The following GPC5 variants were observed in gnomAD, a reference collection of about 807,000 sequenced individuals.
The protein encoded by GPC5 is glypican-5.
Under a neutral mutation model 53.9 loss-of-function variants are expected in GPC5, and 47 were observed. The ratio of observed to expected loss-of-function variants is 0.87; its 90% CI spans 0.69 to 1.11. The LOEUF is 1.11. Ranked by LOEUF, GPC5 falls within the 50% of genes most tolerant of loss-of-function variation. The probability of loss-of-function intolerance (pLI) is 0.00; values close to 1 mark genes in which losing one functional copy is unlikely to be tolerated. For synonymous variants in GPC5, 286 were observed against 263.3 expected, an observed-to-expected ratio of 1.09 and a Z score of -0.84; for missense variants, 748 against 713.1, an observed-to-expected ratio of 1.05 and a Z score of -0.56.
At chr13:92,632,983 G>T (rs9561096) in intron 7 of GPC5, among the ~76,000 whole-genome samples, 87,894 of 151,928 alleles carry the variant, frequency 0.58, 26,016 homozygotes, top group East Asian at 0.85. Context: ...CTCTGTCTCC[G>T]GGGTTCAAGC....
chr13:91,855,199 A>T (rs896111938), intron 5 of GPC5, among the ~76,000 whole-genome samples: 6 of 151,748 alleles, frequency 4.0e-5, no homozygotes, highest in Admixed American at 3.9e-4. Context: ...CCTTCTGTAC[A>T]GGTGAGTTTT....
At chr13:92,491,536 C>G (rs752860401) in intron 7 of GPC5, among the ~76,000 whole-genome samples, 1 of 152,070 alleles carries the variant, frequency 6.6e-6, no homozygotes, top group African/African-American at 2.4e-5. Context: ...ATCGGCAGCA[C>G]GTTCTTCACA....
At chr13:91,570,624 A>G (rs898312253) in intron 2 of GPC5, among the ~76,000 whole-genome samples, 5 of 152,186 alleles carry the variant, frequency 3.3e-5, no homozygotes, top group Non-Finnish European at 5.9e-5. Flanking sequence ...CTTTCGAGCA[A>G]TTACCCAAAT....
chr13:92,496,090 G>A (rs919171895), intron 7 of GPC5, among the ~76,000 whole-genome samples: 1 of 151,982 alleles, frequency 6.6e-6, no homozygotes, highest in African/African-American at 2.4e-5. Flanking sequence ...TCTGTCAATG[G>A]AGGACCTATC....
At chr13:91,900,214 A>G (rs2039484123) in intron 5 of GPC5, among the ~76,000 whole-genome samples, 1 of 152,178 alleles carries the variant, frequency 6.6e-6, no homozygotes, top group Non-Finnish European at 1.5e-5. Flanking sequence ...TAATGCTTCT[A>G]ATGAAAAGTT....
chr13:91,608,008 T>A (rs2033428411), intron 2 of GPC5, among the ~76,000 whole-genome samples: 1 of 152,234 alleles, frequency 6.6e-6, no homozygotes. Context: ...ATAATATATT[T>A]ATTGTAGAAA....
chr13:92,368,634 TAAAAAAAA>T (rs34793615), intron 7 of GPC5, among the ~76,000 whole-genome samples: 2 of 66,326 alleles, frequency 3.0e-5, no homozygotes, highest in African/African-American at 1.2e-4. Flanking sequence ...AAGACTGTCT[TAAAAAAAA>T]AAAAAAAAAA....
intron 7 of GPC5, among the ~76,000 whole-genome samples, chr13:92,168,575 GA>G (rs1406198259): frequency 1.3e-5 from 2 of 152,148 alleles, no homozygotes; most frequent in East Asian, 3.9e-4. Context: ...ACAAACATAT[GA>G]AAAAAAGCTC....
At chr13:92,182,467 T>C (rs986609144) in intron 7 of GPC5, among the ~76,000 whole-genome samples, 1 of 152,222 alleles carries the variant, frequency 6.6e-6, no homozygotes, top group African/African-American at 2.4e-5. Context: ...TAATATTTCT[T>C]TATTAAGACA....
intron 7 of GPC5, among the ~76,000 whole-genome samples, chr13:92,292,953 T>A (rs940497933): frequency 2.6e-5 from 4 of 152,116 alleles, no homozygotes; most frequent in African/African-American, 9.7e-5. Flanking sequence ...TTTTCTTTTC[T>A]TTGTTGAAGA....
intron 7 of GPC5, among the ~76,000 whole-genome samples, chr13:92,156,216 C>A (rs995742078): frequency 6.6e-6 from 1 of 152,036 alleles, no homozygotes. Flanking sequence ...CCACTTTCAG[C>A]AGTTACTCTT....
intron 7 of GPC5, among the ~76,000 whole-genome samples, chr13:92,721,766 C>T (rs1271789070): frequency 6.6e-6 from 1 of 152,014 alleles, no homozygotes; most frequent in Non-Finnish European, 1.5e-5. Context: ...CTTATTCACA[C>T]ATGCCATTAA....
chr13:92,609,508 C>G (rs1490443586), intron 7 of GPC5, among the ~76,000 whole-genome samples: 2 of 152,200 alleles, frequency 1.3e-5, no homozygotes, highest in East Asian at 3.9e-4. Flanking sequence ...ATTTACTATT[C>G]AATGTGTAAG....
intron 7 of GPC5, among the ~76,000 whole-genome samples, chr13:92,402,325 C>G (rs1307908120): frequency 1.3e-5 from 2 of 152,098 alleles, no homozygotes; most frequent in Non-Finnish European, 2.9e-5. Flanking sequence ...ATAACAAACT[C>G]GTAAATAAGC....
intron 7 of GPC5, among the ~76,000 whole-genome samples, chr13:92,782,637 A>T (rs954168173): frequency 3.4e-4 from 52 of 152,072 alleles, no homozygotes; most frequent in Admixed American, 7.2e-4. Flanking sequence ...TAAGCTCATT[A>T]TTTTCTTTTA....
chr13:92,196,152 A>AT (rs2042255339), intron 7 of GPC5, among the ~76,000 whole-genome samples: 2 of 152,182 alleles, frequency 1.3e-5, no homozygotes, highest in South Asian at 4.2e-4. Context: ...AAAAAGATGT[A>AT]TCCCCTTGAA....
intron 1 of GPC5, among the ~76,000 whole-genome samples, chr13:91,438,821 C>A (rs944448008): frequency 3.3e-5 from 5 of 152,212 alleles, no homozygotes; most frequent in African/African-American, 9.6e-5. Flanking sequence ...GTTCGAGCTT[C>A]CCAGGCCACT....
At chr13:91,829,685 C>A (rs939837737) in intron 5 of GPC5, among the ~76,000 whole-genome samples, 6 of 151,946 alleles carry the variant, frequency 3.9e-5, no homozygotes, top group African/African-American at 1.4e-4. Context: ...TAGGCATCAG[C>A]CAGCTTGAGA....
chr13:91,856,306 T>G (rs2038966139), intron 5 of GPC5, among the ~76,000 whole-genome samples: 1 of 151,616 alleles, frequency 6.6e-6, no homozygotes, highest in African/African-American at 2.4e-5. Flanking sequence ...AAAGCCTTTT[T>G]GTGGGCATTC....
Sources: gnomAD v4.1 joint callset for allele counts (sites outside exome capture counted in the v4.1 genomes callset) on GRCh38, gnomAD v4.1.1 for gene constraint, MANE v1.5 for transcripts, NCBI Gene and HGNC (gene_info 2026-07-23, HGNC 2026-07-21) for gene names.